The following CCDC73 variants were observed in gnomAD, a reference collection of about 807,000 sequenced individuals.
The protein encoded by CCDC73 is coiled-coil domain-containing protein 73.
A neutral mutation model predicts 116.5 loss-of-function variants in CCDC73; 95 were observed. The ratio of observed to expected loss-of-function variants is 0.82; its 90% CI spans 0.69 to 0.97. The LOEUF (loss-of-function observed/expected upper bound fraction) is 0.97. CCDC73 is among the 50% of genes least tolerant of loss of function. CCDC73 has a pLI of 0.00. For synonymous variants in CCDC73, 398 were observed against 401.3 expected (o/e 0.99, Z 0.10); for missense variants, 1,066 against 1,206.8 (o/e 0.88, Z 1.73).
At chr11:32,796,926 C>T (rs764021350), upstream of CCDC73, among the ~76,000 whole-genome samples, 2 of 147,098 alleles carry the variant, frequency 1.4e-5, no homozygotes, top group Non-Finnish European at 3.0e-5. Context: ...GCGTAAGAAT[C>T]GCTTGAACCC....
chr11:32,710,620 G>A (rs1849890906), intron 3 of CCDC73, among the ~76,000 whole-genome samples: 1 of 152,050 alleles, frequency 6.6e-6, no homozygotes, highest in Admixed American at 6.6e-5. Context: ...GTCTTTCCTG[G>A]AGAATGTTCC....
intron 9 of CCDC73, among the ~76,000 whole-genome samples, chr11:32,659,217 G>C (rs1341901903): frequency 6.6e-6 from 1 of 152,062 alleles, no homozygotes; most frequent in African/African-American, 2.4e-5. Flanking sequence ...AGAGTTGCAT[G>C]AATTTTTTTT....
chr11:32,785,037 G>A (rs924816653), intron 1 of CCDC73, among the ~76,000 whole-genome samples: 3 of 151,834 alleles, frequency 2.0e-5, no homozygotes, highest in African/African-American at 7.3e-5. Context: ...GTGGTGGTGG[G>A]CGCCTGTAAT....
Position 32,614,072 on chromosome 11 carries a change from C to A in CCDC73, c.2246G>T (p.Cys749Phe). ...PNSSPGGKTMCKNMSDMQNSQ... is the reference protein window; with the variant it reads ...PNSSPGGKTMFKNMSDMQNSQ... ...GTTTTGCATATCACTCATATTTTTA[C>A]ACATAGTTTTTCCCCCAGGGCTTGA... Residue 749 changes from cysteine to phenylalanine, a missense_variant, in exon 16 of 18, where the codon TGT becomes TTT. By Grantham distance (205) the Cys-to-Phe change is radical. Coordinates refer to ENST00000335185, the MANE Select transcript of CCDC73 (RefSeq NM_001008391.4). The A allele has an allele frequency of 6.2e-7, 1 of 1,613,242 alleles. No homozygotes were observed. The highest frequency in any genetic ancestry group is 8.5e-7 in the Non-Finnish European group (1 of 1,179,890).
rs776295536 is a variant in CCDC73 at position 32,702,951 on chromosome 11, TA to T, written c.208-8del. The T allele has an allele frequency of 1.2e-6, 2 of 1,601,242 alleles. No homozygotes were observed. Among genetic ancestry groups the T allele is most frequent in the Non-Finnish European group, 1.7e-6 (2 of 1,168,362 alleles). ...TTTGATTCTGAAGAGTTTCCTGTTTTAAAAATTATGACAAGTTAAAACACAA... is the reference window on the plus strand; with the variant it reads ...TTTGATTCTGAAGAGTTTCCTGTTTTAAAATTATGACAAGTTAAAACACAA... On this transcript the variant is annotated splice_polypyrimidine_tract_variant and splice_region_variant and intron_variant, in intron 3 of 17. Coordinates refer to ENST00000335185, the MANE Select transcript of CCDC73 (RefSeq NM_001008391.4).
At chr11:32,773,220 G>A (rs1271700627) in intron 1 of CCDC73, among the ~76,000 whole-genome samples, 4 of 152,122 alleles carry the variant, frequency 2.6e-5, no homozygotes, top group African/African-American at 9.7e-5. Context: ...TCCAGAATAA[G>A]CAAATCCACA....
At chr11:32,720,274 C>T (rs550756027) in intron 2 of CCDC73, among the ~76,000 whole-genome samples, 1 of 152,148 alleles carries the variant, frequency 6.6e-6, no homozygotes, top group Non-Finnish European at 1.5e-5. Flanking sequence ...ATACGCTAAT[C>T]ATATGATCGC....
intron 2 of CCDC73, among the ~76,000 whole-genome samples, chr11:32,750,876 A>G (rs1025941828): frequency 4.6e-5 from 7 of 152,126 alleles, no homozygotes; most frequent in African/African-American, 1.7e-4. Context: ...TCTCAAGTGG[A>G]AGGGGTCTCT....
chr11:32,829,544 C>T, the CCDC73 span, among the ~76,000 whole-genome samples: 2 of 152,246 alleles, frequency 1.3e-5, no homozygotes, highest in Admixed American at 1.3e-4. Context: ...TTGTCCTCGT[C>T]CCCGGACCAC....
At chr11:32,645,997 A>G (rs1052821657) in intron 12 of CCDC73, among the ~76,000 whole-genome samples, 1 of 152,222 alleles carries the variant, frequency 6.6e-6, no homozygotes, top group Admixed American at 6.5e-5. Context: ...TTTTTTATTG[A>G]TAACATACTG....
At chr11:32,690,194 T>C (rs982338822) in intron 6 of CCDC73, among the ~76,000 whole-genome samples, 4 of 152,014 alleles carry the variant, frequency 2.6e-5, no homozygotes, top group Non-Finnish European at 5.9e-5. Flanking sequence ...ATATATTAAT[T>C]TTCACGTCAC....
At chr11:32,687,165 T>C (rs984286281) in intron 6 of CCDC73, among the ~76,000 whole-genome samples, 11 of 152,198 alleles carry the variant, frequency 7.2e-5, no homozygotes, top group African/African-American at 2.4e-4. Context: ...TCTTAAACAG[T>C]TCAGCTCTGA....
intron 3 of CCDC73, among the ~76,000 whole-genome samples, chr11:32,706,689 T>A (rs1302894036): frequency 6.6e-6 from 1 of 152,132 alleles, no homozygotes; most frequent in Admixed American, 6.5e-5. Flanking sequence ...AAGTAACCTC[T>A]CTCTTGAAGC....
chr11:32,606,479 A>ATAAT (rs1855352685), intron 17 of CCDC73, among the ~76,000 whole-genome samples: 1 of 152,238 alleles, frequency 6.6e-6, no homozygotes, highest in African/African-American at 2.4e-5. Context: ...CCCACATTAC[A>ATAAT]TAATTTGCAA....
chr11:32,779,248 T>C (rs1850561676), intron 1 of CCDC73, among the ~76,000 whole-genome samples: 1 of 134,774 alleles, frequency 7.4e-6, no homozygotes, highest in African/African-American at 2.8e-5. Context: ...TTTCCAATTA[T>C]GCCTTCATGT....
chr11:32,761,063 C>G (rs1850387710), intron 1 of CCDC73, among the ~76,000 whole-genome samples: 1 of 152,012 alleles, frequency 6.6e-6, no homozygotes, highest in Non-Finnish European at 1.5e-5. Context: ...AGATACAGAA[C>G]TCTAGCATCA....
the CCDC73 span, among the ~76,000 whole-genome samples, chr11:32,824,764 G>A: frequency 5.3e-5 from 8 of 152,112 alleles, no homozygotes; most frequent in African/African-American, 9.7e-5. Context: ...AAGAAACCAC[G>A]CTTTAAAATC....
chr11:32,732,670 A>C (rs1050767231), intron 2 of CCDC73, among the ~76,000 whole-genome samples: 1 of 152,072 alleles, frequency 6.6e-6, no homozygotes, highest in Non-Finnish European at 1.5e-5. Context: ...GCCAAACTAA[A>C]CTTCATAAGT....
rs374109645 is a variant in CCDC73 at position 32,653,962 on chromosome 11, G to T, written c.834+16C>A. Reference sequence around the variant, plus strand: ...TAGAATATTTACTGGCTTCCAAATAGCTTATGATTGCTTACCTGTTTTTCT... The same window carrying T: ...TAGAATATTTACTGGCTTCCAAATATCTTATGATTGCTTACCTGTTTTTCT... On this transcript the variant is annotated intron_variant, in intron 11 of 17. Transcript: ENST00000335185. The T allele has an allele frequency of 1.7e-4, 267 of 1,592,810 alleles. No homozygotes were observed. The highest frequency in any genetic ancestry group is 2.1e-4 in the Non-Finnish European group (252 of 1,172,384).
Sources: gnomAD v4.1 joint callset for allele counts (sites outside exome capture counted in the v4.1 genomes callset) on GRCh38, gnomAD v4.1.1 for gene constraint, MANE v1.5 for transcripts, NCBI Gene and HGNC (gene_info 2026-07-23, HGNC 2026-07-21) for gene names.